Variants in ANO2 observed in about 807,000 individuals in gnomAD.
The protein encoded by ANO2 is anoctamin 2.
A neutral mutation model predicts 124.2 loss-of-function variants in ANO2; 101 were observed. The ratio of observed to expected loss-of-function variants is 0.81; its 90% CI spans 0.69 to 0.96. The LOEUF (loss-of-function observed/expected upper bound fraction) is 0.96, where lower values mean the gene tolerates loss of function less well. ANO2 is among the 40% of genes least tolerant of loss of function. ANO2 has a pLI of 0.00. For missense variants in ANO2, 1,293 were observed against 1,274.5 expected (o/e 1.01, Z -0.22); for synonymous variants, 486 against 482.5 (o/e 1.01, Z -0.09).
intron 3 of ANO2, among the ~76,000 whole-genome samples, chr12:5,874,815 G>A (rs753247841): frequency 6.6e-5 from 10 of 152,116 alleles, no homozygotes; most frequent in East Asian, 1.9e-4. Context: ...CTTACCTGCC[G>A]ACCCATCATC....
chr12:5,626,573 T>C (rs1591766493), intron 16 of ANO2, among the ~76,000 whole-genome samples: 1 of 152,166 alleles, frequency 6.6e-6, no homozygotes, highest in South Asian at 2.1e-4. Flanking sequence ...GGCATCTCCA[T>C]GTTTAACTTC....
chr12:5,614,228 C>T (rs913719896), intron 17 of ANO2, among the ~76,000 whole-genome samples: 1 of 152,214 alleles, frequency 6.6e-6, no homozygotes, highest in Non-Finnish European at 1.5e-5. Context: ...CCTTTGTCCC[C>T]GATTCCTGCA....
At chr12:5,651,759 C>A (rs987508438) in intron 14 of ANO2, among the ~76,000 whole-genome samples, 14 of 152,194 alleles carry the variant, frequency 9.2e-5, no homozygotes, top group African/African-American at 3.4e-4. Flanking sequence ...TCACCTCCCC[C>A]AATCCCCAGA....
At chr12:5,624,789 G>A (rs898647012) in intron 16 of ANO2, among the ~76,000 whole-genome samples, 1 of 152,186 alleles carries the variant, frequency 6.6e-6, no homozygotes, top group Non-Finnish European at 1.5e-5. Context: ...AGTGTTGAAG[G>A]AATATGTAGT....
chr12:5,859,029 T>C (rs1047052876), intron 3 of ANO2, among the ~76,000 whole-genome samples: 2 of 152,120 alleles, frequency 1.3e-5, no homozygotes, highest in African/African-American at 2.4e-5. Context: ...GGTCAGAAAA[T>C]ATAAGTTGCT....
intron 19 of ANO2, among the ~76,000 whole-genome samples, chr12:5,609,492 T>G (rs1944377790): frequency 6.6e-6 from 1 of 152,146 alleles, no homozygotes; most frequent in Non-Finnish European, 1.5e-5. Flanking sequence ...TCATTAAAAA[T>G]GATATTATTT....
Position 5,921,244 on chromosome 12 carries a change from G to A in ANO2, c.330C>T (p.Arg110=), listed in dbSNP as rs770006888. 6.8e-6 allele frequency: 11 copies of A among 1,613,860 alleles called. No homozygotes were observed. The highest frequency in any genetic ancestry group is 1.6e-4 in the Middle Eastern group (1 of 6,084). ...DYVLAYHYRK[R]GVHLAQGFPG... ...GGAAGCCTTGGGCCAGGTGCACCCC[G>A]CGTTTCCGGTAGTGGTAGGCAAGTA... The change falls in exon 3 of 25, where the codon CGC becomes CGT. Residue 110 remains arginine (R), a synonymous_variant. Coordinates refer to ENST00000682330, the MANE Select transcript of ANO2 (RefSeq NM_001364791.2).
intron 5 of ANO2, 128 bp from the exon 6 acceptor site, chr12:5,830,617 CGAT>C: frequency 1.6e-6 from 1 of 636,336 alleles, no homozygotes; most frequent in Non-Finnish European, 2.6e-6. Flanking sequence ...CACACACACA[CGAT>C]GTTTATGCCC....
intron 14 of ANO2, among the ~76,000 whole-genome samples, chr12:5,692,526 T>C (rs762936082): frequency 6.6e-6 from 1 of 152,158 alleles, no homozygotes; most frequent in Non-Finnish European, 1.5e-5. Flanking sequence ...CCTTCCCCTA[T>C]GGCCAAGGGC....
intron 9 of ANO2, among the ~76,000 whole-genome samples, chr12:5,804,677 T>C (rs1206635047): frequency 1.3e-5 from 2 of 152,208 alleles, no homozygotes; most frequent in African/African-American, 4.8e-5. Flanking sequence ...TTAAAAGGCA[T>C]TGCTGTGGTT....
At position 5,908,006 on chromosome 12, in the gene ANO2, T is replaced by C. The variant is rs1225222346; in HGVS notation, c.534+13034A>G. 2.0e-5 allele frequency among the ~76,000 whole-genome samples: 3 copies of C among 152,216 alleles called. No individual in the cohort carries two copies. The highest frequency in any genetic ancestry group is 7.2e-5 in the African/African-American group (3 of 41,462). ...GAATGCAACCTCCCCAACTCCACAA[T>C]GCACCGTGAGAGCAGTACATAGCAA... On this transcript the variant is annotated intron_variant, in intron 3 of 24. Transcript: ENST00000682330. This position sits in a 1 kb window ranked among gnomAD's most constrained non-coding sequence, Gnocchi z 4.7.
chr12:5,698,048 G>T (rs946393203), intron 14 of ANO2, among the ~76,000 whole-genome samples: 13 of 152,204 alleles, frequency 8.5e-5, no homozygotes, highest in African/African-American at 2.7e-4. Flanking sequence ...AGAGGCAGCA[G>T]AAATTTCTGC....
At chr12:5,681,583 A>G (rs960246362) in intron 14 of ANO2, among the ~76,000 whole-genome samples, 5 of 152,232 alleles carry the variant, frequency 3.3e-5, no homozygotes, top group Non-Finnish European at 5.9e-5. Context: ...GAATAATGCT[A>G]AAAGTGCAAG....
intron 7 of ANO2, among the ~76,000 whole-genome samples, chr12:5,809,089 A>G (rs1953299612): frequency 1.3e-5 from 2 of 152,132 alleles, no homozygotes; most frequent in African/African-American, 2.4e-5. Context: ...ATAAAACATG[A>G]GAAATAACTT....
chr12:5,742,967 C>A (rs1409528577), intron 12 of ANO2, among the ~76,000 whole-genome samples: 3 of 151,948 alleles, frequency 2.0e-5, no homozygotes, highest in Admixed American at 1.3e-4. Context: ...GAACACTGCC[C>A]GTGTGCTCCC....
intron 10 of ANO2, among the ~76,000 whole-genome samples, chr12:5,775,278 C>CAG (rs1455407342): frequency 1.3e-5 from 2 of 151,820 alleles, no homozygotes; most frequent in African/African-American, 4.8e-5. Context: ...CGTGCACACA[C>CAG]ACAGAGAGAG....
Position 5,563,292 on chromosome 12 carries a change from G to A in ANO2, c.*7C>T. ...GCCGTGCCCTCCTCTGCTGCAGGCT[G>A]AACTGCTCACACATTGGTGTGCTGA... On this transcript the variant is annotated 3_prime_UTR_variant, in exon 25 of 25. Coordinates refer to ENST00000682330, the MANE Select transcript of ANO2 (RefSeq NM_001364791.2). 1 of 1,593,918 alleles carries A rather than the reference G, an allele frequency of 6.3e-7. No homozygotes were observed. The highest frequency in any genetic ancestry group is 8.5e-7 in the Non-Finnish European group (1 of 1,174,786).
chr12:5,817,731 G>A (rs894412129), intron 7 of ANO2, among the ~76,000 whole-genome samples: 2 of 152,192 alleles, frequency 1.3e-5, no homozygotes, highest in Non-Finnish European at 1.5e-5. Context: ...ATGCTATTTT[G>A]AGGTTCTGGT....
At chr12:5,875,839 C>T (rs952505537) in intron 3 of ANO2, among the ~76,000 whole-genome samples, 2 of 151,738 alleles carry the variant, frequency 1.3e-5, no homozygotes, top group African/African-American at 4.9e-5. Context: ...CGGAGAGGAA[C>T]AGCCCCTCTA....
Sources: allele counts gnomAD v4.1 joint callset (sites outside exome capture counted in the v4.1 genomes callset), GRCh38; gene constraint gnomAD v4.1.1; non-coding constraint Gnocchi (gnomAD v3.1); transcripts MANE v1.5; gene names NCBI Gene and HGNC (gene_info 2026-07-23, HGNC 2026-07-21).